Variants in EPS15 observed in about 807,000 individuals in gnomAD.
EPS15 encodes the protein epidermal growth factor receptor pathway substrate 15.
Under a neutral mutation model 113.8 loss-of-function variants are expected in EPS15, and 72 were observed. The observed-to-expected ratio is 0.63, with a 90% CI of 0.52 to 0.77. The LOEUF (loss-of-function observed/expected upper bound fraction) is 0.77. Among genes scored for constraint, EPS15 ranks in the 30% least tolerant of loss-of-function variants. The pLI is 0.00. For missense variants in EPS15, 1,048 were observed against 1,045.8 expected (o/e 1.00, Z -0.03); for synonymous variants, 344 against 363.4 (o/e 0.95, Z 0.61).
chr1:51,415,796 C>CAAAAAAAAAA (rs55806131), intron 13 of EPS15, among the ~76,000 whole-genome samples: 1 of 21,928 alleles, frequency 4.6e-5, no homozygotes, highest in Non-Finnish European at 8.0e-5. Context: ...AACTCCGTCT[C>CAAAAAAAAAA]AAAAAAAAAA....
rs1189588613 is a variant in EPS15 at position 51,480,925 on chromosome 1, GT to G, written c.75+347del. 3.9e-5 allele frequency among the ~76,000 whole-genome samples: 6 copies of G among 152,232 alleles called. No individual in the cohort carries two copies. The South Asian group carries it at 6.2e-4, about 16-fold the overall frequency. ...CATTATGTATTTGTATAAAAGTCATGTTTTTCACTTTGTGAAAATTATACTT... is the reference window on the plus strand; with the variant it reads ...CATTATGTATTTGTATAAAAGTCATGTTTTCACTTTGTGAAAATTATACTT... On this transcript the variant is annotated intron_variant, in intron 2 of 24. Coordinates refer to ENST00000371733, the MANE Select transcript of EPS15 (RefSeq NM_001981.3).
intron 1 of EPS15, among the ~76,000 whole-genome samples, chr1:51,517,359 A>G (rs1226577771): frequency 6.6e-6 from 1 of 152,210 alleles, no homozygotes; most frequent in East Asian, 1.9e-4. Context: ...ACCCAAGAAC[A>G]TATGTAAATT....
rs777650388 is a variant in EPS15, at chr1:51,363,951, C to T, written c.2274G>A (p.Glu758=). Residue 758 remains glutamate, a synonymous_variant, in exon 23 of 25, where the codon GAG becomes GAA. Coordinates refer to ENST00000371733, the MANE Select transcript of EPS15 (RefSeq NM_001981.3). ...CATCTTCACTTTTGACCGATGTTTC[C>T]TCAAATACATTTTTTGTAATCACTA... The part of the protein sequence containing the change: ...SNVVITKNVF[E]ETSVKSEDEP... The T allele has an allele frequency of 7.0e-5, 113 of 1,613,576 alleles. 1 individual carries two copies. The South Asian group carries it at 1.2e-3, about 17-fold the overall frequency.
Position 51,480,111 on chromosome 1 carries a change from T to C in EPS15, c.75+1162A>G, listed in dbSNP as rs532632257. Among the ~76,000 whole-genome samples, 6 of 152,348 alleles carry C rather than the reference T, an allele frequency of 3.9e-5. 1 individual carries two copies. In the South Asian group the frequency reaches 1.2e-3, roughly 32 times the overall value. On this transcript the variant is annotated intron_variant, in intron 2 of 24. Coordinates refer to ENST00000371733, the MANE Select transcript of EPS15 (RefSeq NM_001981.3). Reference sequence around the variant, plus strand: ...TTCAGGCAGAAATTATTCTCTGACCTTAGAAGTTGCTATATAGTTTATAGC... The same window carrying C: ...TTCAGGCAGAAATTATTCTCTGACCCTAGAAGTTGCTATATAGTTTATAGC...
intron 3 of EPS15, among the ~76,000 whole-genome samples, chr1:51,472,268 C>T (rs1655297087): frequency 6.6e-6 from 1 of 152,162 alleles, no homozygotes; most frequent in Non-Finnish European, 1.5e-5. Context: ...CAAGTTCTAA[C>T]TCTGAGACCA....
At chr1:51,429,208 T>G (rs1358496932) in intron 12 of EPS15, among the ~76,000 whole-genome samples, 2 of 152,136 alleles carry the variant, frequency 1.3e-5, no homozygotes, top group Non-Finnish European at 2.9e-5. Flanking sequence ...TAAGTTGATA[T>G]CAATTCCAAT....
At chr1:51,381,631 A>G (rs549579280) in intron 21 of EPS15, among the ~76,000 whole-genome samples, 1 of 152,182 alleles carries the variant, frequency 6.6e-6, no homozygotes, top group African/African-American at 2.4e-5. Context: ...CTTCCAATTA[A>G]AACAGAATAA....
At chr1:51,514,511 A>AG (rs1644679734) in intron 1 of EPS15, among the ~76,000 whole-genome samples, 1 of 152,164 alleles carries the variant, frequency 6.6e-6, no homozygotes, top group African/African-American at 2.4e-5. Flanking sequence ...ACTCACAAAC[A>AG]AGTATATAAA....
chr1:51,445,045 C>T lies in EPS15; in HGVS notation c.798G>A (p.Trp266Ter). Residue 266 changes from tryptophan to a stop codon, truncating the protein, a stop_gained and splice_region_variant, in exon 11 of 25, where the codon TGG becomes TGA. Coordinates refer to ENST00000371733, the MANE Select transcript of EPS15 (RefSeq NM_001981.3). LOFTEE classifies it high-confidence loss of function. ...GLPSTLLAHI[W>*]SLCDTKDCGK... is the part of the protein sequence containing the mutation. ...CACAGTCCTTTGTGTCGCATAATGA[C>T]CTGCACAAATAAACAAAATGAATGG... The T allele has an allele frequency of 6.2e-7, 1 of 1,611,722 alleles. No homozygotes were observed. The highest frequency in any genetic ancestry group is 1.3e-5 in the African/African-American group (1 of 74,912).
At chr1:51,391,645 G>C (rs1477138962) in intron 21 of EPS15, among the ~76,000 whole-genome samples, 3 of 152,080 alleles carry the variant, frequency 2.0e-5, no homozygotes, top group Non-Finnish European at 4.4e-5. Flanking sequence ...AGCAGAGTGA[G>C]TAATGGGAAT....
intron 2 of EPS15, among the ~76,000 whole-genome samples, chr1:51,479,058 A>G (rs920431167): frequency 1.3e-5 from 2 of 152,120 alleles, no homozygotes; most frequent in African/African-American, 2.4e-5. Flanking sequence ...GTGTTTTCCA[A>G]CTTGGTTCCG....
chr1:51,498,069 A>T (rs72691888), intron 1 of EPS15, among the ~76,000 whole-genome samples: 3,236 of 152,192 alleles, frequency 0.021, 55 homozygotes, highest in Non-Finnish European at 0.031. Flanking sequence ...AAAAAACTTA[A>T]ACCCCCCTTT....
At chr1:51,407,097 T>C (rs982964239) in intron 15 of EPS15, among the ~76,000 whole-genome samples, 7 of 152,224 alleles carry the variant, frequency 4.6e-5, no homozygotes, top group African/African-American at 7.2e-5. Context: ...TTCAAGGATA[T>C]GTAACCTTGA....
At chr1:51,460,369 A>G (rs1027428456) in intron 8 of EPS15, among the ~76,000 whole-genome samples, 18 of 152,246 alleles carry the variant, frequency 1.2e-4, no homozygotes, top group African/African-American at 4.1e-4. Flanking sequence ...ATAAAATGTC[A>G]AAACTTTTCT....
intron 12 of EPS15, among the ~76,000 whole-genome samples, chr1:51,433,562 T>C (rs935045122): frequency 3.3e-5 from 5 of 152,212 alleles, no homozygotes; most frequent in African/African-American, 1.2e-4. Context: ...AGAAGGAAAT[T>C]GAGTGCTCTC....
In EPS15 at chr1:51,451,977, G is replaced by T. The variant is rs572955273; in HGVS notation, c.562-3842C>A. On this transcript the variant is annotated intron_variant, in intron 8 of 24. Transcript: ENST00000371733. The stretch of plus-strand genomic sequence containing the variant: ...GCTCACTACAACCTCCGTCTCCTGG[G>T]CTCAAGCCTTCCTCCCACCTCAGTC... Among the ~76,000 whole-genome samples, 21 of 151,904 alleles carry T rather than the reference G, an allele frequency of 1.4e-4. No homozygotes were observed. The South Asian group carries it at 3.7e-3, about 27-fold the overall frequency.
At chr1:51,427,673 T>A (rs746867573) in intron 12 of EPS15, among the ~76,000 whole-genome samples, 3 of 152,190 alleles carry the variant, frequency 2.0e-5, no homozygotes, top group Non-Finnish European at 4.4e-5. Context: ...ATTTACAATA[T>A]AAATTACTCC....
chr1:51,455,916 C>T (rs1206529386), intron 8 of EPS15, among the ~76,000 whole-genome samples: 1 of 151,690 alleles, frequency 6.6e-6, no homozygotes, highest in Non-Finnish European at 1.5e-5. Context: ...CATGGTCATG[C>T]CAAGGCCTAA....
chr1:51,519,160 C>T (rs1477954912), intron 1 of EPS15, 39 bp downstream of exon 1: 1 of 1,415,342 alleles, frequency 7.1e-7, no homozygotes, highest in East Asian at 2.8e-5. Flanking sequence ...GGAGGGGGCA[C>T]CGGCCGGCCA....
Sources: allele counts gnomAD v4.1 joint callset (sites outside exome capture counted in the v4.1 genomes callset), GRCh38; gene constraint gnomAD v4.1.1; transcripts MANE v1.5; gene names NCBI Gene and HGNC (gene_info 2026-07-23, HGNC 2026-07-21).